Variants in ULBP2 observed in about 807,000 individuals in gnomAD.
ULBP2 encodes UL16 binding protein 2.
Under a neutral mutation model 23.6 loss-of-function variants are expected in ULBP2, and 21 were observed. The ratio of observed to expected loss-of-function variants is 0.89; its 90% CI spans 0.63 to 1.28. The LOEUF is 1.28. Among genes scored for constraint, ULBP2 ranks in the 50% most tolerant of loss-of-function variants. The pLI, the probability that ULBP2 is intolerant of heterozygous loss-of-function variation, is 0.00. For missense variants in ULBP2, 251 were observed against 306.0 expected, an observed-to-expected ratio of 0.82 and a Z score of 1.34; for synonymous variants, 82 against 112.8, an observed-to-expected ratio of 0.73 and a Z score of 1.73.
At chr6:149,947,806 G>C (rs911712661) in intron 4 of ULBP2, among the ~76,000 whole-genome samples, 8 of 151,520 alleles carry the variant, frequency 5.3e-5, no homozygotes, top group Non-Finnish European at 1.0e-4. Flanking sequence ...TTCAGACATG[G>C]GCAGTCCTCT....
chr6:149,946,705 C>T (rs773732075), intron 3 of ULBP2, 52 bp downstream of exon 3: 38 of 1,602,348 alleles, frequency 2.4e-5, no homozygotes, highest in Non-Finnish European at 3.2e-5. Flanking sequence ...AAATGGTGAC[C>T]TCAAGAAGTT....
chr6:149,942,142 C>A lies in ULBP2; in HGVS notation c.70C>A (p.Arg24=), dbSNP rs765380080. The change falls in exon 1 of 5, where the codon CGG becomes AGG. Residue 24 remains arginine, a synonymous_variant. Coordinates refer to ENST00000367351, the MANE Select transcript of ULBP2 (RefSeq NM_025217.4). ...PLLLLLSGWS[R]AGRADPHSLC... is the part of the protein sequence containing the mutation. ...TCTGCTCCTGCTGTCCGGCTGGTCC[C>A]GGGCTGGGCGAGCCGGTGAGTTCGT... is the stretch of plus-strand genomic sequence containing the variant. 1.9e-6 allele frequency: 3 copies of A among 1,605,936 alleles called. No homozygotes were observed. The highest frequency in any genetic ancestry group is 2.5e-6 in the Non-Finnish European group (3 of 1,177,524).
At position 149,946,621 on chromosome 6, in the gene ULBP2, G is replaced by A. The variant is rs375022570; in HGVS notation, c.599G>A (p.Gly200Asp). 1.9e-5 allele frequency: 31 copies of A among 1,614,038 alleles called. No individual in the cohort carries two copies. In the East Asian group the frequency reaches 5.6e-4, roughly 29 times the overall value. The change falls in exon 3 of 5, where the codon GGC (glycine) becomes GAC (aspartate). Residue 200 changes from glycine (G) to aspartate (D), a missense_variant. Gly to Asp is a moderately conservative substitution (Grantham distance 94). This residue lies in a region of ULBP2 where 248 missense variants were observed against 258.9 expected (regional missense o/e 0.96). Coordinates refer to ENST00000367351, the MANE Select transcript of ULBP2 (RefSeq NM_025217.4). ...CIGWLEDFLMGMDSTLEPSAG... is the reference protein window; with the variant it reads ...CIGWLEDFLMDMDSTLEPSAG... ...GGATGGCTTGAGGACTTCTTGATGGGCATGGACAGCACCCTGGAGCCAAGT... is the reference window on the plus strand; with the variant it reads ...GGATGGCTTGAGGACTTCTTGATGGACATGGACAGCACCCTGGAGCCAAGT...
At chr6:149,943,041 G>C (rs1465466947) in intron 1 of ULBP2, among the ~76,000 whole-genome samples, 1 of 152,126 alleles carries the variant, frequency 6.6e-6, no homozygotes, top group Non-Finnish European at 1.5e-5. Context: ...TGTAGACAGG[G>C]GTCAGCAAAC....
chr6:149,942,242 T>G, intron 1 of ULBP2, 85 bp downstream of exon 1: 1 of 1,419,316 alleles, frequency 7.0e-7, no homozygotes. Context: ...GAGGGGAGGC[T>G]TCTAGAAGGA....
rs370838341 is a variant in ULBP2, at chr6:149,948,600, A to G, written c.*23-123A>G. ...GCTGCAGTCGCCAGGGTTGAGGCTC[A>G]AGGGAAAAATAGGTCCCTTAGTGCA... On this transcript the variant is annotated intron_variant, in intron 4 of 4. Coordinates refer to ENST00000367351, the MANE Select transcript of ULBP2 (RefSeq NM_025217.4). 6.7e-6 allele frequency: 3 copies of G among 448,578 alleles called. 1 individual carries two copies. 27.8% of individuals were successfully genotyped at this position (448,578 alleles called of 1,614,324 possible). A position where few individuals can be genotyped will look rare whatever the true frequency, so the allele number is the denominator to read the frequency against.
intron 4 of ULBP2, among the ~76,000 whole-genome samples, chr6:149,947,717 GAGA>G (rs2114688389): frequency 6.6e-6 from 1 of 152,162 alleles, no homozygotes; most frequent in Admixed American, 6.5e-5. Context: ...TGTTGAGCTT[GAGA>G]AGGTTTAGCA....
intron 3 of ULBP2, 72 bp from the exon 4 acceptor site, chr6:149,947,248 C>T (rs1778956977): frequency 7.8e-6 from 12 of 1,537,928 alleles, no homozygotes; most frequent in African/African-American, 6.8e-5. Flanking sequence ...CCTAGGGTGG[C>T]AGGAACTGAG....
At chr6:149,945,155 G>A (rs1326291208) in intron 1 of ULBP2, among the ~76,000 whole-genome samples, 154 bp from the exon 2 acceptor site, 2 of 150,860 alleles carry the variant, frequency 1.3e-5, no homozygotes, top group African/African-American at 2.4e-5. Flanking sequence ...GCGAGCACTC[G>A]CCTTAAACTT....
At chr6:149,946,838 C>T (rs1243077720) in intron 3 of ULBP2, 185 bp downstream of exon 3, 1 of 1,002,760 alleles carries the variant, frequency 1.0e-6, no homozygotes, top group East Asian at 2.6e-5. Flanking sequence ...CTTCCTTCTC[C>T]CTCCTGACTC....
rs759645712 is a variant in ULBP2, at chr6:149,946,547, C to T, written c.525C>T (p.Asp175=). The T allele has an allele frequency of 5.0e-6, 8 of 1,614,164 alleles. No homozygotes were observed. The highest frequency in any genetic ancestry group is 5.1e-6 in the Non-Finnish European group (6 of 1,180,034). Residue 175 remains aspartate, a synonymous_variant, in exon 3 of 5, where the codon GAC becomes GAT. Transcript: ENST00000367351. ...ARKMKEKWEN[D]KVVAMSFHYF... The stretch of plus-strand genomic sequence containing the variant: ...AGATGAAAGAAAAGTGGGAGAATGA[C>T]AAGGTTGTGGCCATGTCCTTCCATT...
rs532592146 is a variant in ULBP2, at chr6:149,946,457, G to A, written c.435G>A (p.Gly145=). Residue 145 remains glycine (G), a synonymous_variant, in exon 3 of 5, where the codon GGG becomes GGA. Transcript: ENST00000367351. ...SSGSWQFSFD[G]QIFLLFDSEK... ...GATCTTGGCAGTTCAGTTTCGATGGGCAGATCTTCCTCCTCTTTGACTCAG... is the reference window on the plus strand; with the variant it reads ...GATCTTGGCAGTTCAGTTTCGATGGACAGATCTTCCTCCTCTTTGACTCAG... The A allele has an allele frequency of 4.5e-5, 72 of 1,613,658 alleles. No individual in the cohort carries two copies. The highest frequency in any genetic ancestry group is 1.5e-4 in the South Asian group (14 of 91,046).
intron 3 of ULBP2, 163 bp downstream of exon 3, chr6:149,946,816 TC>T: frequency 1.7e-6 from 2 of 1,194,854 alleles, no homozygotes; most frequent in Non-Finnish European, 1.2e-6. Context: ...GCCTGTGCTC[TC>T]CCACCGTCCT....
At chr6:149,946,877 C>A (rs370390597) in intron 3 of ULBP2, among the ~76,000 whole-genome samples, 6 of 152,146 alleles carry the variant, frequency 3.9e-5, no homozygotes, top group Admixed American at 3.3e-4. Context: ...GCTCCTGCTC[C>A]CCGCCCTGTG....
intron 1 of ULBP2, among the ~76,000 whole-genome samples, chr6:149,945,092 T>G (rs1778914492): frequency 6.6e-6 from 1 of 151,400 alleles, no homozygotes; most frequent in African/African-American, 2.4e-5. Context: ...ACATGTGGTT[T>G]CTCAGCAGAC....
At chr6:149,947,812 C>T (rs1778965578) in intron 4 of ULBP2, among the ~76,000 whole-genome samples, 1 of 151,430 alleles carries the variant, frequency 6.6e-6, no homozygotes, top group African/African-American at 2.4e-5. Context: ...CATGGGCAGT[C>T]CTCTTAATTG....
At chr6:149,942,280 C>A in intron 1 of ULBP2, 123 bp downstream of exon 1, 4 of 1,011,466 alleles carry the variant, frequency 4.0e-6, no homozygotes, top group Non-Finnish European at 5.5e-6. Context: ...AACTGCGCCC[C>A]CGTTCAGTTC....
In ULBP2 at chr6:149,946,507, A is replaced by G; in HGVS notation, c.485A>G (p.His162Arg). 1 of 1,614,198 alleles carries G rather than the reference A, an allele frequency of 6.2e-7. No homozygotes were observed. The highest frequency in any genetic ancestry group is 8.5e-7 in the Non-Finnish European group (1 of 1,180,046). Reference protein sequence around the residue: ...DSEKRMWTTVHPGARKMKEKW... With the variant: ...DSEKRMWTTVRPGARKMKEKW... ...GAGAAGAGAATGTGGACAACGGTTC[A>G]TCCTGGAGCCAGAAAGATGAAAGAA... Residue 162 changes from histidine (H) to arginine (R), a missense_variant, in exon 3 of 5, where the codon CAT (histidine) becomes CGT (arginine). Physicochemically the swap from His to Arg is conservative, Grantham distance 29. Coordinates refer to ENST00000367351, the MANE Select transcript of ULBP2 (RefSeq NM_025217.4).
At chr6:149,946,243 T>C in intron 2 of ULBP2, 129 bp from the exon 3 acceptor site, 5 of 1,151,748 alleles carry the variant, frequency 4.3e-6, no homozygotes, top group South Asian at 1.6e-5. Flanking sequence ...AAGGTCATCA[T>C]ACCCCTCAAG....
Sources: allele counts gnomAD v4.1 joint callset (sites outside exome capture counted in the v4.1 genomes callset), GRCh38; gene constraint gnomAD v4.1.1; regional missense constraint gnomAD v4.1.1; transcripts MANE v1.5; gene names NCBI Gene and HGNC (gene_info 2026-07-23, HGNC 2026-07-21).